WDR86: variants seen among roughly 807,000 people sequenced by gnomAD.
WDR86 encodes WD repeat-containing protein 86.
WDR86 carries 30 observed loss-of-function variants against 36.5 expected under a neutral mutation model. That is an observed-to-expected ratio of 0.82 (90% CI 0.61 to 1.11). WDR86 has a LOEUF of 1.11. WDR86 is among the 50% of genes most tolerant of loss of function. The probability of loss-of-function intolerance (pLI) is 0.00; values close to 1 mark genes in which losing one functional copy is unlikely to be tolerated. For synonymous variants in WDR86, 255 were observed against 252.9 expected, an observed-to-expected ratio of 1.01 and a Z score of -0.08; for missense variants, 545 against 561.2, an observed-to-expected ratio of 0.97 and a Z score of 0.29.
At position 151,409,860 on chromosome 7, in the gene WDR86, A is replaced by T; in HGVS notation, c.-271T>A. 5.0e-6 allele frequency: 6 copies of T among 1,206,098 alleles called. No homozygotes were observed. The highest frequency in any genetic ancestry group is 6.2e-6 in the Non-Finnish European group (6 of 971,858). 74.7% of individuals were successfully genotyped at this position (1,206,098 alleles called of 1,614,324 possible). On this transcript the variant is annotated 5_prime_UTR_variant, in exon 1 of 6. Coordinates refer to ENST00000334493, the MANE Select transcript of WDR86 (RefSeq NM_198285.3). The surrounding 1 kb of genome is among the most constrained non-coding windows in gnomAD (Gnocchi z 5.2). ...GAGTCCTGGGCGCGCGGGCAGAGAG[A>T]ACCCCCTTCCCAGCACCGCTCGGAG...
Position 151,405,468 on chromosome 7 carries a change from C to A in WDR86, c.163+3959G>T, listed in dbSNP as rs116837025. ...GCTCCACCTGCATTTTGCAGTGTCC[C>A]TTTATTAAACTCTCCTGGTAGAACC... is the stretch of plus-strand genomic sequence containing the variant. On this transcript the variant is annotated intron_variant, in intron 1 of 5. Transcript: ENST00000334493. The surrounding 1 kb of genome is among the most constrained non-coding windows in gnomAD (Gnocchi z 4.7). 4.1e-3 allele frequency among the ~76,000 whole-genome samples: 619 copies of A among 152,286 alleles called. 5 individuals carry two copies. Among genetic ancestry groups the A allele is most frequent in the African/African-American group, 0.013 (559 of 41,550 alleles).
chr7:151,387,265 G>A (rs1799054339), intron 3 of WDR86, among the ~76,000 whole-genome samples: 1 of 152,154 alleles, frequency 6.6e-6, no homozygotes, highest in South Asian at 2.1e-4. Flanking sequence ...AGGGCAGGAG[G>A]CTTGCTGGGT....
At chr7:151,399,060 G>A (rs1011906610) in intron 2 of WDR86, among the ~76,000 whole-genome samples, 8 of 152,190 alleles carry the variant, frequency 5.3e-5, no homozygotes, top group African/African-American at 1.9e-4. Context: ...AGGTCTCAGG[G>A]CCTCACCTGC....
Position 151,395,167 on chromosome 7 carries a change from C to T in WDR86, c.726+609G>A, listed in dbSNP as rs150323541. On this transcript the variant is annotated intron_variant, in intron 3 of 5. Transcript: ENST00000334493. ...ATAGCATGATGGGCCACTTCCCAGT[C>T]CCCAACCCATGAGGACGGAGCCCAG... Among the ~76,000 whole-genome samples, 294 of 152,310 alleles carry T rather than the reference C, an allele frequency of 1.9e-3. 2 individuals carry two copies. Among genetic ancestry groups the T allele is most frequent in the Middle Eastern group, 3.4e-3 (1 of 294 alleles).
downstream of WDR86, chr7:151,374,056 C>G: frequency 6.6e-7 from 1 of 1,524,076 alleles, no homozygotes; most frequent in South Asian, 1.2e-5. Flanking sequence ...TGTGAAATCT[C>G]AGTCCCTAAC....
In WDR86 at chr7:151,385,131, G is replaced by T. The variant is rs78572731; in HGVS notation, c.819C>A (p.Ala273=). 104 of 1,612,404 alleles carry T rather than the reference G, an allele frequency of 6.4e-5. No individual in the cohort carries two copies. The African/African-American group carries it at 1.2e-3, about 19-fold the overall frequency. ...TGAGGGCGCTCACGTTGCGTCTGTG[G>T]GCCGTGAACGTGCGCACACACTCCC... ...DTGECVRTFT[A]HRRNVSALKY... The change falls in exon 4 of 6, where the codon GCC becomes GCA. Residue 273 remains alanine (A), a synonymous_variant. Coordinates refer to ENST00000334493, the MANE Select transcript of WDR86 (RefSeq NM_198285.3).
intron 1 of WDR86, among the ~76,000 whole-genome samples, chr7:151,408,270 C>A (rs1800888609): frequency 6.7e-6 from 1 of 148,210 alleles, no homozygotes; most frequent in Non-Finnish European, 1.5e-5. Flanking sequence ...GATCTTGGCT[C>A]ACTGCAACCT....
chr7:151,400,108 G>A lies in WDR86; in HGVS notation c.297C>T (p.Ile99=), dbSNP rs752904301. The part of the protein sequence containing the change: ...CLQVYRGHTS[I]VNRILVANNQ... ...CCCCCAGCCAGGCTGACCTGTTCAC[G>A]ATGGACGTGTGTCCTCGGTACACCT... The change falls in exon 2 of 6, where the codon ATC becomes ATT. Residue 99 remains isoleucine, a synonymous_variant. Coordinates refer to ENST00000334493, the MANE Select transcript of WDR86 (RefSeq NM_198285.3). The A allele has an allele frequency of 9.4e-6, 15 of 1,596,274 alleles. No homozygotes were observed. Among genetic ancestry groups the A allele is most frequent in the South Asian group, 3.4e-5 (3 of 87,800 alleles).
chr7:151,393,147 G>C (rs559359700), intron 3 of WDR86, among the ~76,000 whole-genome samples: 1 of 152,362 alleles, frequency 6.6e-6, no homozygotes, highest in African/African-American at 2.4e-5. Context: ...ATGTGTGTCT[G>C]CGTGGTATGT....
intron 1 of WDR86, chr7:151,408,729 G>T: frequency 2.6e-6 from 1 of 380,738 alleles, no homozygotes; most frequent in Non-Finnish European, 5.4e-6. Context: ...ACAGTGCATG[G>T]GACAGGCCCA....
chr7:151,399,715 C>T (rs926099352), intron 2 of WDR86, among the ~76,000 whole-genome samples: 2 of 152,270 alleles, frequency 1.3e-5, no homozygotes, highest in Admixed American at 6.5e-5. Flanking sequence ...CCCCCACACT[C>T]CTCCTCCTGC....
Position 151,390,675 on chromosome 7 carries a change from G to A in WDR86, c.726+5101C>T, listed in dbSNP as rs1799363040. ...TCAACAGGTGACGGATAAGCGCAAT[G>A]TGGTATCCACATACCAGGGAATATT... On this transcript the variant is annotated intron_variant, in intron 3 of 5. Transcript: ENST00000334493. This position sits in a 1 kb window ranked among gnomAD's most constrained non-coding sequence, Gnocchi z 4.5. Among the ~76,000 whole-genome samples, 1 of 152,246 alleles carries A rather than the reference G, an allele frequency of 6.6e-6. No homozygotes were observed. Among genetic ancestry groups the A allele is most frequent in the Non-Finnish European group, 1.5e-5 (1 of 68,048 alleles).
downstream of WDR86, among the ~76,000 whole-genome samples, chr7:151,371,357 ACCCCCAC>A (rs989154755): frequency 2.3e-5 from 2 of 85,514 alleles, no homozygotes; most frequent in Non-Finnish European, 4.9e-5. Flanking sequence ...TCTGTCTTTT[ACCCCCAC>A]CCCCCACCCC....
chr7:151,407,385 C>T (rs1433933917), intron 1 of WDR86, among the ~76,000 whole-genome samples: 2 of 152,198 alleles, frequency 1.3e-5, no homozygotes, highest in Non-Finnish European at 2.9e-5. Context: ...GGGGCAAAGC[C>T]AAGTGCCCAC....
At chr7:151,395,492 A>AGG (rs1554421977) in intron 3 of WDR86, among the ~76,000 whole-genome samples, 12,872 of 61,720 alleles carry the variant, frequency 0.21, 688 homozygotes, top group East Asian at 0.29. Context: ...AGAAGAGATT[A>AGG]GGACACACAC....
chr7:151,381,534 TG>T lies in WDR86; in HGVS notation c.*47del. On this transcript the variant is annotated 3_prime_UTR_variant, in exon 6 of 6. Transcript: ENST00000334493. This position sits in a 1 kb window ranked among gnomAD's most constrained non-coding sequence, Gnocchi z 4.8. Reference sequence around the variant, plus strand: ...CCGCGGGTAGCAGGGCGGGGCGCTCTGGGAGCCGCTGGGTGTCTGGGCTGGC... The same window carrying T: ...CCGCGGGTAGCAGGGCGGGGCGCTCTGGAGCCGCTGGGTGTCTGGGCTGGC... 1 of 1,399,148 alleles carries T rather than the reference TG, an allele frequency of 7.1e-7. No individual in the cohort carries two copies. Among genetic ancestry groups the T allele is most frequent in the Non-Finnish European group, 9.2e-7 (1 of 1,088,674 alleles). The allele number at this position is 1,399,148 out of a possible 1,614,324, so 86.7% of individuals were successfully genotyped here. A position where few individuals can be genotyped will look rare whatever the true frequency, so the allele number is the denominator to read the frequency against.
At chr7:151,380,076 T>G (rs781086724), downstream of WDR86, among the ~76,000 whole-genome samples, 5 of 152,206 alleles carry the variant, frequency 3.3e-5, no homozygotes, top group Non-Finnish European at 7.3e-5. Context: ...GAGGTCTGTG[T>G]GTGCTTAAGT....
downstream of WDR86, chr7:151,376,259 A>G (rs1563033026): frequency 2.1e-6 from 1 of 465,272 alleles, no homozygotes; most frequent in Admixed American, 3.5e-5. Context: ...TGACCTGGGA[A>G]ACCCATCCAG....
chr7:151,381,708 G>A lies in WDR86; in HGVS notation c.1005C>T (p.Gly335=), dbSNP rs1197950070. ...GQVLYTASHD[G]ALRLWDVRGL... ...CGCGCACGTCCCAGAGGCGCAGGGC[G>A]CCGTCGTGCGAGGCGGTGTAGAGCA... is the stretch of plus-strand genomic sequence containing the variant. The change falls in exon 6 of 6, where the codon GGC becomes GGT. Residue 335 remains glycine (G), a synonymous_variant. Transcript: ENST00000334493. The surrounding 1 kb of genome is among the most constrained non-coding windows in gnomAD (Gnocchi z 4.8). 4.7e-6 allele frequency: 7 copies of A among 1,493,598 alleles called. No homozygotes were observed. The highest frequency in any genetic ancestry group is 5.2e-5 in the East Asian group (2 of 38,204). 92.5% of individuals were successfully genotyped at this position (1,493,598 alleles called of 1,614,324 possible).
Sources: gnomAD v4.1 joint callset for allele counts (sites outside exome capture counted in the v4.1 genomes callset) on GRCh38, gnomAD v4.1.1 for gene constraint, Gnocchi (gnomAD v3.1) non-coding constraint, MANE v1.5 for transcripts, NCBI Gene and HGNC (gene_info 2026-07-23, HGNC 2026-07-21) for gene names.